Variants in DNASE1L3 observed in about 807,000 individuals in gnomAD.
DNASE1L3 encodes deoxyribonuclease 1L3.
In DNASE1L3, 27 loss-of-function variants were observed where a neutral mutation model predicts 30.9. That is an observed-to-expected ratio of 0.87 (90% confidence interval 0.64 to 1.20). The LOEUF is 1.20. Among genes scored for constraint, DNASE1L3 ranks in the 50% most tolerant of loss-of-function variants. DNASE1L3 has a pLI of 0.00. For synonymous variants in DNASE1L3, 135 were observed against 138.0 expected (o/e 0.98, Z 0.15); for missense variants, 364 against 378.2 (o/e 0.96, Z 0.31).
At position 58,209,697 on chromosome 3, in the gene DNASE1L3, C is replaced by G. The variant is rs1575501091; in HGVS notation, c.141+1069G>C. Among the ~76,000 whole-genome samples the G allele has an allele frequency of 3.3e-5, 5 of 152,312 alleles. No individual in the cohort carries two copies. In the East Asian group the frequency reaches 7.8e-4, roughly 24 times the overall value. On this transcript the variant is annotated intron_variant, in intron 1 of 7. Coordinates refer to ENST00000394549, the MANE Select transcript of DNASE1L3 (RefSeq NM_004944.4). ...CTGGGTGCCTCAGGCACCCTGAGTT[C>G]TCTTCACCAGCCAGTGCTACAGGTG... is the stretch of plus-strand genomic sequence containing the variant.
Position 58,208,313 on chromosome 3 carries a change from G to A in DNASE1L3, c.142-7C>T, listed in dbSNP as rs1381534948. 6.2e-7 allele frequency: 1 copy of A among 1,613,992 alleles called. No homozygotes were observed. Among genetic ancestry groups the A allele is most frequent in the Non-Finnish European group, 8.5e-7 (1 of 1,179,952 alleles). ...TGTCACAGCGTTTGATGACCTGCAA[G>A]AAAGAGAATTCCCAGGGGTTTGAGG... is the stretch of plus-strand genomic sequence containing the variant. On this transcript the variant is annotated splice_polypyrimidine_tract_variant and splice_region_variant and intron_variant, in intron 1 of 7. Coordinates refer to ENST00000394549, the MANE Select transcript of DNASE1L3 (RefSeq NM_004944.4).
intron 1 of DNASE1L3, among the ~76,000 whole-genome samples, chr3:58,208,982 G>A (rs4681666): frequency 0.29 from 43,584 of 152,088 alleles, 6,673 homozygotes; most frequent in East Asian, 0.37. Context: ...GCTTACGCCT[G>A]TAATACCAGC....
intron 6 of DNASE1L3, 56 bp from the exon 7 acceptor site, chr3:58,193,495 C>G: frequency 6.8e-7 from 1 of 1,468,008 alleles, no homozygotes. Context: ...TTGCTGAGAT[C>G]AAACCAAGGT....
chr3:58,196,107 CTGAG>C (rs751652770), intron 6 of DNASE1L3, among the ~76,000 whole-genome samples: 11 of 152,130 alleles, frequency 7.2e-5, no homozygotes, highest in Admixed American at 2.6e-4. Context: ...CCATGTGTAA[CTGAG>C]TGAGTGGCCA....
chr3:58,198,496 A>G (rs1216325388), intron 5 of DNASE1L3, among the ~76,000 whole-genome samples: 1 of 152,214 alleles, frequency 6.6e-6, no homozygotes, highest in Non-Finnish European at 1.5e-5. Flanking sequence ...GCAAATGAAT[A>G]TAAGGTCTTT....
At position 58,192,524 on chromosome 3, in the gene DNASE1L3, C is replaced by A; in HGVS notation, c.*163G>T. On this transcript the variant is annotated 3_prime_UTR_variant, in exon 8 of 8. Transcript: ENST00000394549. The surrounding 1 kb of genome is among the most constrained non-coding windows in gnomAD (Gnocchi z 4.8). ...GGGAGGTATGAGACCAAGAGAGATA[C>A]AAAAGATTCTCCTTCCAATTTGGCT... 3 of 723,234 alleles carry A rather than the reference C, an allele frequency of 4.1e-6. No individual in the cohort carries two copies. The highest frequency in any genetic ancestry group is 2.8e-5 in the East Asian group (1 of 35,126). 44.8% of individuals were successfully genotyped at this position (723,234 alleles called of 1,614,324 possible).
chr3:58,208,831 C>A (rs1397894874), intron 1 of DNASE1L3, among the ~76,000 whole-genome samples: 1 of 151,800 alleles, frequency 6.6e-6, no homozygotes, highest in Non-Finnish European at 1.5e-5. Context: ...TAGGCAGAAA[C>A]CAAGCTCAGA....
chr3:58,202,293 GCAC>G (rs2097401163), intron 4 of DNASE1L3, among the ~76,000 whole-genome samples: 1 of 141,576 alleles, frequency 7.1e-6, no homozygotes, highest in Admixed American at 7.2e-5. Context: ...TTACAGGCAT[GCAC>G]CATCATGCCT....
At chr3:58,193,881 C>T (rs920273742) in intron 6 of DNASE1L3, among the ~76,000 whole-genome samples, 3 of 152,172 alleles carry the variant, frequency 2.0e-5, no homozygotes, top group African/African-American at 2.4e-5. Context: ...CTGCCATCTC[C>T]GAGCATTCTG....
chr3:58,210,166 A>T (rs1397997178), intron 1 of DNASE1L3, among the ~76,000 whole-genome samples: 2 of 151,922 alleles, frequency 1.3e-5, no homozygotes, highest in Non-Finnish European at 2.9e-5. Context: ...GAAGAAAGAA[A>T]CAAAGAAAAA....
rs1156717910 is a variant in DNASE1L3 at position 58,200,551 on chromosome 3, A to G, written c.546+446T>C. Reference sequence around the variant, plus strand: ...ACATTTCAGTTACACAAACCAATCAATTGCTCCTTTTTTTCATGAGCCATG... The same window carrying G: ...ACATTTCAGTTACACAAACCAATCAGTTGCTCCTTTTTTTCATGAGCCATG... On this transcript the variant is annotated intron_variant, in intron 5 of 7. Coordinates refer to ENST00000394549, the MANE Select transcript of DNASE1L3 (RefSeq NM_004944.4). The surrounding 1 kb of genome is among the most constrained non-coding windows in gnomAD (Gnocchi z 4.2). 1.3e-5 allele frequency among the ~76,000 whole-genome samples: 2 copies of G among 152,108 alleles called. No individual in the cohort carries two copies. The highest frequency in any genetic ancestry group is 2.9e-5 in the Non-Finnish European group (2 of 68,014).
At chr3:58,205,629 T>A (rs1434251439) in intron 2 of DNASE1L3, 69 bp from the exon 3 acceptor site, 1 of 1,366,950 alleles carries the variant, frequency 7.3e-7, no homozygotes, top group African/African-American at 1.4e-5. Flanking sequence ...GTTCCTTTCT[T>A]TCCAATCTGC....
chr3:58,194,314 CTTTTTT>C (rs11358965), intron 6 of DNASE1L3, among the ~76,000 whole-genome samples: 4 of 89,064 alleles, frequency 4.5e-5, no homozygotes, highest in South Asian at 4.3e-4. Context: ...GCACAACTAA[CTTTTTT>C]TTTTTTTTTT....
At chr3:58,193,243 A>AT (rs1337176939) in intron 7 of DNASE1L3, 100 bp downstream of exon 7, 1 of 1,498,156 alleles carries the variant, frequency 6.7e-7, no homozygotes, top group Admixed American at 1.8e-5. Context: ...TGCCCAGCTA[A>AT]TTTTTTTGAA....
rs1395718099 is a variant in DNASE1L3 at position 58,197,355 on chromosome 3, T to C, written c.704+466A>G. 1.3e-5 allele frequency among the ~76,000 whole-genome samples: 2 copies of C among 152,234 alleles called. No individual in the cohort carries two copies. The highest frequency in any genetic ancestry group is 4.8e-5 in the African/African-American group (2 of 41,460). ...AGCTACAGTGCCCAGGGCCACCGCA[T>C]AGGGTCCTGTGGTTCATACGCTACA... On this transcript the variant is annotated intron_variant, in intron 6 of 7. Coordinates refer to ENST00000394549, the MANE Select transcript of DNASE1L3 (RefSeq NM_004944.4). This position sits in a 1 kb window ranked among gnomAD's most constrained non-coding sequence, Gnocchi z 5.3.
Position 58,210,889 on chromosome 3 carries a change from G to A in DNASE1L3, c.18C>T (p.Ala6=), listed in dbSNP as rs988429782. The A allele has an allele frequency of 1.2e-6, 2 of 1,613,936 alleles. No homozygotes were observed. The change falls in exon 1 of 8, where the codon GCC becomes GCT. Residue 6 remains alanine (A), a synonymous_variant. Transcript: ENST00000394549. MSREL[A]PLLLLLLSIH... ...TGGAGAGGAGGAGAAGCAGCAGTGG[G>A]GCCAGCTCCCGTGACATCCTGGCGC...
chr3:58,203,294 C>T (rs1174846228), intron 4 of DNASE1L3, among the ~76,000 whole-genome samples: 1 of 152,198 alleles, frequency 6.6e-6, no homozygotes, highest in Non-Finnish European at 1.5e-5. Flanking sequence ...CCTAAATATT[C>T]CAGCTTCCTT....
chr3:58,195,517 A>G (rs1049388268), intron 6 of DNASE1L3, among the ~76,000 whole-genome samples: 3 of 150,980 alleles, frequency 2.0e-5, no homozygotes, highest in African/African-American at 7.3e-5. Flanking sequence ...CCTGTAATCC[A>G]AGCACTTTGG....
chr3:58,204,975 A>C (rs923952323), intron 3 of DNASE1L3, 94 bp from the exon 4 acceptor site: 1 of 1,162,056 alleles, frequency 8.6e-7, no homozygotes, highest in Non-Finnish European at 1.2e-6. Context: ...GCTTTCTCAG[A>C]AGCCAGAGCA....
Sources: allele counts gnomAD v4.1 joint callset (sites outside exome capture counted in the v4.1 genomes callset), GRCh38; gene constraint gnomAD v4.1.1; non-coding constraint Gnocchi (gnomAD v3.1); transcripts MANE v1.5; gene names NCBI Gene and HGNC (gene_info 2026-07-23, HGNC 2026-07-21).